THSD4: variants seen among roughly 807,000 people sequenced by gnomAD.
THSD4 encodes the protein thrombospondin type-1 domain-containing protein 4.
In THSD4, 69 loss-of-function variants were observed where a neutral mutation model predicts 119.0. The observed-to-expected ratio is 0.58, with a 90% CI of 0.48 to 0.71. THSD4 has a LOEUF of 0.71. Among genes scored for constraint, THSD4 ranks in the 30% least tolerant of loss-of-function variants. THSD4 has a pLI of 0.00. For synonymous variants in THSD4, 524 were observed against 540.4 expected (o/e 0.97, Z 0.42); for missense variants, 1,393 against 1,391.1 (o/e 1.00, Z -0.02).
chr15:71,556,861 T>C (rs2049026431), intron 7 of THSD4, among the ~76,000 whole-genome samples: 1 of 152,198 alleles, frequency 6.6e-6, no homozygotes, highest in Admixed American at 6.5e-5. Flanking sequence ...TTGTAATTTC[T>C]AGTACATAAT....
intron 3 of THSD4, among the ~76,000 whole-genome samples, chr15:71,184,742 C>A (rs184211320): frequency 2.0e-5 from 3 of 151,868 alleles, no homozygotes; most frequent in Non-Finnish European, 4.4e-5. Context: ...TTGGACTGTC[C>A]CCTGTTCTGC....
chr15:71,268,642 G>A (rs1002174661), intron 6 of THSD4, among the ~76,000 whole-genome samples: 10 of 147,754 alleles, frequency 6.8e-5, no homozygotes, highest in African/African-American at 1.5e-4. Context: ...CATGAAAAAC[G>A]CTTCAAAAAC....
intron 14 of THSD4, among the ~76,000 whole-genome samples, chr15:71,750,578 C>T (rs531298462): frequency 9.8e-5 from 15 of 152,340 alleles, no homozygotes; most frequent in Non-Finnish European, 2.1e-4. Flanking sequence ...GTGTTCCCCA[C>T]ACCTCATGGC....
At chr15:71,685,076 C>T (rs971113779) in intron 8 of THSD4, among the ~76,000 whole-genome samples, 2 of 151,752 alleles carry the variant, frequency 1.3e-5, no homozygotes, top group African/African-American at 4.8e-5. Flanking sequence ...GGCTTTATTG[C>T]TTTTTTATTA....
chr15:71,195,088 A>G (rs978358124), intron 3 of THSD4, among the ~76,000 whole-genome samples: 2 of 152,196 alleles, frequency 1.3e-5, no homozygotes, highest in African/African-American at 2.4e-5. Flanking sequence ...TTTTATGGGC[A>G]AGGCCTCGTG....
chr15:71,353,486 A>G (rs753963053), intron 6 of THSD4, among the ~76,000 whole-genome samples: 43 of 152,298 alleles, frequency 2.8e-4, no homozygotes, highest in Non-Finnish European at 5.4e-4. Context: ...AAGTACTTCA[A>G]AGGTGTTTTC....
chr15:71,688,815 G>A (rs2051979218), intron 8 of THSD4, among the ~76,000 whole-genome samples: 2 of 151,246 alleles, frequency 1.3e-5, no homozygotes, highest in Admixed American at 6.6e-5. Flanking sequence ...AGGGCAAAAT[G>A]TTAACATCTT....
intron 6 of THSD4, among the ~76,000 whole-genome samples, chr15:71,333,469 C>T (rs910670122): frequency 6.6e-6 from 1 of 152,142 alleles, no homozygotes; most frequent in Non-Finnish European, 1.5e-5. Context: ...AGCTTTCTCA[C>T]CCTCAACATA....
In THSD4 at chr15:71,447,840, T is replaced by C. The variant is rs192450766; in HGVS notation, c.1152+36017T>C. On this transcript the variant is annotated intron_variant, in intron 7 of 17. Coordinates refer to ENST00000261862, the MANE Select transcript of THSD4 (RefSeq NM_024817.3). ...TCACAGGCTTGGGAGCCTTCTAGAGTCTTGTTCTGCTCTCCTTGGCATGTC... is the reference window on the plus strand; with the variant it reads ...TCACAGGCTTGGGAGCCTTCTAGAGCCTTGTTCTGCTCTCCTTGGCATGTC... 9.9e-5 allele frequency among the ~76,000 whole-genome samples: 15 copies of C among 152,136 alleles called. No individual in the cohort carries two copies. The East Asian group carries it at 2.3e-3, about 24-fold the overall frequency.
chr15:71,687,497 G>A lies in THSD4; in HGVS notation c.1357+26763G>A, dbSNP rs563844580. 3.7e-4 allele frequency among the ~76,000 whole-genome samples: 56 copies of A among 152,124 alleles called. No individual in the cohort carries two copies. In the South Asian group the frequency reaches 8.1e-3, roughly 22 times the overall value. On this transcript the variant is annotated intron_variant, in intron 8 of 17. Transcript: ENST00000261862. ...TTGGCCAGGCGCCATTGCTCACACC[G>A]GTAATCCCAGCACTTTGGGGGGCCA...
chr15:71,579,368 G>T (rs1453442174), intron 7 of THSD4, among the ~76,000 whole-genome samples: 1 of 152,276 alleles, frequency 6.6e-6, no homozygotes, highest in African/African-American at 2.4e-5. Flanking sequence ...GGCTCCTCAC[G>T]CCTGTTCTCA....
intron 7 of THSD4, among the ~76,000 whole-genome samples, chr15:71,653,927 A>G (rs973892485): frequency 2.2e-5 from 2 of 91,196 alleles, no homozygotes; most frequent in African/African-American, 8.5e-5. Context: ...TTTTGGCTGC[A>G]CAGGACTCGA....
At chr15:71,544,629 G>A (rs942082622) in intron 7 of THSD4, among the ~76,000 whole-genome samples, 13 of 152,284 alleles carry the variant, frequency 8.5e-5, no homozygotes, top group East Asian at 5.8e-4. Context: ...TAGAATTACC[G>A]TATGATTCAG....
intron 7 of THSD4, among the ~76,000 whole-genome samples, chr15:71,459,045 G>A (rs373170286): frequency 5.9e-5 from 9 of 151,908 alleles, no homozygotes; most frequent in African/African-American, 1.7e-4. Context: ...AAATATTTGG[G>A]AATTATATTT....
At chr15:71,545,502 C>T (rs1055361156) in intron 7 of THSD4, among the ~76,000 whole-genome samples, 1 of 152,170 alleles carries the variant, frequency 6.6e-6, no homozygotes, top group Non-Finnish European at 1.5e-5. Flanking sequence ...TACTTGAGCC[C>T]ACGTGGTCTG....
At chr15:71,702,548 T>A (rs1314788577) in intron 8 of THSD4, among the ~76,000 whole-genome samples, 2 of 152,170 alleles carry the variant, frequency 1.3e-5, no homozygotes, top group East Asian at 3.9e-4. Context: ...GCCCCTCCTA[T>A]GCAGAATGTT....
At chr15:71,434,727 G>A (rs1404149592) in intron 7 of THSD4, among the ~76,000 whole-genome samples, 1 of 152,116 alleles carries the variant, frequency 6.6e-6, no homozygotes, top group Non-Finnish European at 1.5e-5. Context: ...AAAAAGTGCA[G>A]TCTGAATGTC....
intron 6 of THSD4, among the ~76,000 whole-genome samples, chr15:71,318,812 A>C (rs1348043829): frequency 6.6e-6 from 1 of 152,204 alleles, no homozygotes; most frequent in African/African-American, 2.4e-5. Flanking sequence ...GATGATGCCA[A>C]GTGTGAACCT....
chr15:71,267,687 C>T (rs1194753264), intron 6 of THSD4, among the ~76,000 whole-genome samples: 1 of 152,096 alleles, frequency 6.6e-6, no homozygotes, highest in Non-Finnish European at 1.5e-5. Flanking sequence ...AGAGACAAGA[C>T]CCATCAGTGT....
Sources: gnomAD v4.1 joint callset for allele counts (sites outside exome capture counted in the v4.1 genomes callset) on GRCh38, gnomAD v4.1.1 for gene constraint, MANE v1.5 for transcripts, NCBI Gene and HGNC (gene_info 2026-07-23, HGNC 2026-07-21) for gene names.